Variants in TMEM131L observed in about 807,000 individuals in gnomAD.
TMEM131L encodes the protein transmembrane protein 131-like.
A neutral mutation model predicts 192.2 loss-of-function variants in TMEM131L; 54 were observed. The ratio of observed to expected loss-of-function variants is 0.28; its 90% CI spans 0.23 to 0.35. The LOEUF is 0.35. TMEM131L is among the 10% of genes least tolerant of loss of function. TMEM131L has a pLI of 1.00. For synonymous variants in TMEM131L, 701 were observed against 704.9 expected (o/e 0.99, Z 0.09); for missense variants, 1,888 against 1,972.9 (o/e 0.96, Z 0.82).
chr4:153,545,829 C>A (rs1737133064), intron 3 of TMEM131L, among the ~76,000 whole-genome samples: 2 of 152,136 alleles, frequency 1.3e-5, no homozygotes, highest in South Asian at 4.1e-4. Flanking sequence ...TCTGTATCAA[C>A]AAGAGCTCAG....
At chr4:153,556,586 A>T (rs1728469471) in intron 5 of TMEM131L, among the ~76,000 whole-genome samples, 1 of 152,238 alleles carries the variant, frequency 6.6e-6, no homozygotes, top group Admixed American at 6.5e-5. Context: ...CTGTCTGGGT[A>T]AACGTTGTTC....
intron 3 of TMEM131L, among the ~76,000 whole-genome samples, chr4:153,519,667 A>G (rs1734971827): frequency 6.6e-6 from 1 of 152,240 alleles, no homozygotes; most frequent in African/African-American, 2.4e-5. Context: ...TTTAGTACAT[A>G]GATAATTGGA....
intron 20 of TMEM131L, among the ~76,000 whole-genome samples, chr4:153,596,634 A>G (rs542492332): frequency 6.6e-6 from 1 of 152,326 alleles, no homozygotes; most frequent in South Asian, 2.1e-4. Context: ...AGTGCTTTCC[A>G]CACAGCTTCT....
intron 28 of TMEM131L, among the ~76,000 whole-genome samples, chr4:153,622,319 C>A (rs1179388899): frequency 6.6e-6 from 1 of 152,120 alleles, no homozygotes; most frequent in Non-Finnish European, 1.5e-5. Context: ...GGGGCTAGGG[C>A]AGTACATGTG....
intron 18 of TMEM131L, among the ~76,000 whole-genome samples, chr4:153,593,241 A>T (rs1476418159): frequency 6.6e-6 from 1 of 150,598 alleles, no homozygotes; most frequent in Non-Finnish European, 1.5e-5. Flanking sequence ...AGTAAGATCG[A>T]CCCTTATCCC....
Position 153,634,276 on chromosome 4 carries a change from A to G in TMEM131L, c.4413A>G (p.Pro1471=), listed in dbSNP as rs112679603. 6.2e-7 allele frequency: 1 copy of G among 1,611,654 alleles called. No individual in the cohort carries two copies. Among genetic ancestry groups the G allele is most frequent in the Non-Finnish European group, 8.5e-7 (1 of 1,178,020 alleles). Residue 1471 remains proline (P), a synonymous_variant, in exon 33 of 35, where the codon CCA becomes CCG. Coordinates refer to ENST00000409959, the MANE Select transcript of TMEM131L (RefSeq NM_001131007.2). The stretch of plus-strand genomic sequence containing the variant: ...AATTGAACGATTACAATGCCTTTCC[A>G]GAAGGTAAGGGCTCTTCAGACAATC... ...PLELNDYNAF[P]EENMNYANGF...
chr4:153,600,743 A>T (rs1236303498), intron 21 of TMEM131L, among the ~76,000 whole-genome samples: 1 of 152,236 alleles, frequency 6.6e-6, no homozygotes, highest in Non-Finnish European at 1.5e-5. Context: ...AATTTGCAGG[A>T]CTATTTTAAT....
chr4:153,546,057 G>GTT (rs141747800), intron 3 of TMEM131L, among the ~76,000 whole-genome samples: 1,633 of 151,896 alleles, frequency 0.011, 29 homozygotes, highest in East Asian at 0.087. Context: ...TAATATATAT[G>GTT]TTATATATAT....
At chr4:153,481,567 A>C (rs1731940309) in intron 3 of TMEM131L, among the ~76,000 whole-genome samples, 1 of 152,184 alleles carries the variant, frequency 6.6e-6, no homozygotes, top group Non-Finnish European at 1.5e-5. Flanking sequence ...ACAGGGTCTC[A>C]GTCTGTCACC....
At chr4:153,576,892 C>T (rs1414161471) in intron 7 of TMEM131L, among the ~76,000 whole-genome samples, 1 of 152,052 alleles carries the variant, frequency 6.6e-6, no homozygotes, top group Non-Finnish European at 1.5e-5. Context: ...GGCTGTATGC[C>T]CACCTCTATC....
intron 1 of TMEM131L, among the ~76,000 whole-genome samples, chr4:153,466,760 C>T (rs1349583543): frequency 6.6e-6 from 1 of 152,168 alleles, no homozygotes; most frequent in African/African-American, 2.4e-5. Flanking sequence ...GACCGCTAGC[C>T]GCTCGCGCCC....
Position 153,588,871 on chromosome 4 carries a change from A to ACCC in TMEM131L, c.1553-19_1553-18insCCC. 1 of 1,201,556 alleles carries ACCC rather than the reference A, an allele frequency of 8.3e-7. No homozygotes were observed. The highest frequency in any genetic ancestry group is 1.2e-6 in the Non-Finnish European group (1 of 806,452). 74.4% of individuals were successfully genotyped at this position (1,201,556 alleles called of 1,614,324 possible). A position where few individuals can be genotyped will look rare whatever the true frequency, so the allele number is the denominator to read the frequency against. On this transcript the variant is annotated intron_variant, in intron 15 of 34. Coordinates refer to ENST00000409959, the MANE Select transcript of TMEM131L (RefSeq NM_001131007.2). ...ATGTTTTCTGTAAATCTAAATATGGAATCTGATCTAACTTTTAGGAAATCC... is the reference window on the plus strand; with the variant it reads ...ATGTTTTCTGTAAATCTAAATATGGACCCATCTGATCTAACTTTTAGGAAATCC...
At chr4:153,600,299 CT>C (rs925678313) in intron 21 of TMEM131L, among the ~76,000 whole-genome samples, 1 of 151,116 alleles carries the variant, frequency 6.6e-6, no homozygotes, top group Non-Finnish European at 1.5e-5. Flanking sequence ...CCCAGGAGAG[CT>C]GGTCTGCAGT....
At chr4:153,500,533 A>G (rs1281325792) in intron 3 of TMEM131L, among the ~76,000 whole-genome samples, 2 of 152,224 alleles carry the variant, frequency 1.3e-5, no homozygotes, top group Non-Finnish European at 2.9e-5. Flanking sequence ...ATGAAGCCCA[A>G]GATTTCATTA....
chr4:153,548,048 G>A (rs562217237), intron 3 of TMEM131L, among the ~76,000 whole-genome samples: 5 of 151,888 alleles, frequency 3.3e-5, no homozygotes, highest in African/African-American at 9.7e-5. Flanking sequence ...GAAATACTGA[G>A]CCTGGCCAGC....
chr4:153,580,477 A>G (rs1056519884), intron 7 of TMEM131L, among the ~76,000 whole-genome samples: 1 of 152,204 alleles, frequency 6.6e-6, no homozygotes, highest in Non-Finnish European at 1.5e-5. Context: ...CTGTGTTTAA[A>G]TAACATTTTC....
intron 31 of TMEM131L, among the ~76,000 whole-genome samples, chr4:153,632,203 C>T (rs1035320772): frequency 1.3e-5 from 2 of 152,092 alleles, no homozygotes; most frequent in Admixed American, 6.5e-5. Context: ...GTCCCAGTTA[C>T]GCAGGAGGCT....
intron 3 of TMEM131L, among the ~76,000 whole-genome samples, chr4:153,546,025 A>G (rs1427237269): frequency 2.0e-5 from 3 of 152,080 alleles, no homozygotes; most frequent in African/African-American, 7.2e-5. Flanking sequence ...TGGGACTACC[A>G]GCGTGTGCCA....
intron 3 of TMEM131L, 98 bp downstream of exon 3, chr4:153,473,986 A>G: frequency 1.4e-6 from 1 of 735,492 alleles, no homozygotes; most frequent in South Asian, 1.9e-5. Context: ...TTATGTATTT[A>G]GTAGTATCTG....
Sources: allele counts gnomAD v4.1 joint callset (sites outside exome capture counted in the v4.1 genomes callset), GRCh38; gene constraint gnomAD v4.1.1; transcripts MANE v1.5; gene names NCBI Gene and HGNC (gene_info 2026-07-23, HGNC 2026-07-21).